The following HS6ST1 variants were observed in gnomAD, a reference collection of about 807,000 sequenced individuals.
The protein encoded by HS6ST1 is heparan sulfate 6-O-sulfotransferase 1, also known as heparan-sulfate 6-O-sulfotransferase 1.
HS6ST1 carries 3 observed loss-of-function variants against 25.2 expected under a neutral mutation model. The observed-to-expected ratio is 0.12, with a 90% CI of 0.05 to 0.31. HS6ST1 has a LOEUF of 0.31. Among genes scored for constraint, HS6ST1 ranks in the 10% least tolerant of loss-of-function variants. The pLI, the probability that HS6ST1 is intolerant of heterozygous loss-of-function variation, is 1.00. For synonymous variants in HS6ST1, 204 were observed against 275.1 expected (o/e 0.74, Z 2.56); for missense variants, 310 against 609.6 (o/e 0.51, Z 5.18).
At chr2:128,298,480 C>T (rs138947624) in intron 1 of HS6ST1, among the ~76,000 whole-genome samples, 5 of 152,288 alleles carry the variant, frequency 3.3e-5, no homozygotes, top group Non-Finnish European at 7.4e-5. Context: ...TGGAGTATTA[C>T]TCAGCCCTAA....
At chr2:128,286,088 T>G (rs1156973485) in intron 1 of HS6ST1, among the ~76,000 whole-genome samples, 1 of 152,158 alleles carries the variant, frequency 6.6e-6, no homozygotes, top group Non-Finnish European at 1.5e-5. Flanking sequence ...GGCGATCTGG[T>G]GTGTGGCGTA....
intron 1 of HS6ST1, among the ~76,000 whole-genome samples, chr2:128,297,034 C>G (rs1219643826): frequency 2.0e-5 from 3 of 152,096 alleles, no homozygotes; most frequent in Non-Finnish European, 4.4e-5. Context: ...TGCACCTTAG[C>G]CTGGATGACA....
At chr2:128,294,741 G>A (rs970158086) in intron 1 of HS6ST1, among the ~76,000 whole-genome samples, 1 of 149,812 alleles carries the variant, frequency 6.7e-6, no homozygotes, top group African/African-American at 2.5e-5. Context: ...AGAGGTCTTC[G>A]GACCACCCTC....
intron 1 of HS6ST1, among the ~76,000 whole-genome samples, chr2:128,271,000 A>AG (rs1693601538): frequency 6.6e-6 from 1 of 152,046 alleles, no homozygotes; most frequent in Admixed American, 6.5e-5. Flanking sequence ...CTTCAGCCCC[A>AG]GCCCCACACC....
rs112654671 is a variant in HS6ST1 at position 128,313,036 on chromosome 2, C to T, written c.527+5001G>A. ...TGAGATCGTGCCATCATTGTCCAGA[C>T]TGCACCGGACAGAGTGAGACTCCAT... is the stretch of plus-strand genomic sequence containing the variant. On this transcript the variant is annotated intron_variant, in intron 1 of 1. Coordinates refer to ENST00000259241, the MANE Select transcript of HS6ST1 (RefSeq NM_004807.3). Among the ~76,000 whole-genome samples, 922 of 152,222 alleles carry T rather than the reference C, an allele frequency of 6.1e-3. 11 individuals are homozygous for T. Among genetic ancestry groups the T allele is most frequent in the African/African-American group, 0.021 (891 of 41,514 alleles).
At chr2:128,307,151 T>A (rs1225608771) in intron 1 of HS6ST1, among the ~76,000 whole-genome samples, 1 of 152,128 alleles carries the variant, frequency 6.6e-6, no homozygotes, top group Admixed American at 6.5e-5. Flanking sequence ...AAAATCGCTG[T>A]GAGGGGCCCT....
rs1242089575 is a variant in HS6ST1 at position 128,265,751 on chromosome 2, C to T, written c.*2411G>A. The T allele has an allele frequency of 6.6e-6, 1 of 152,172 alleles. No individual in the cohort carries two copies. The highest frequency in any genetic ancestry group is 1.5e-5 in the Non-Finnish European group (1 of 68,048). The allele number at this position is 152,172 out of a possible 1,614,324, so 9.4% of individuals were successfully genotyped here. A position where few individuals can be genotyped will look rare whatever the true frequency, so the allele number is the denominator to read the frequency against. On this transcript the variant is annotated 3_prime_UTR_variant, in exon 2 of 2. Coordinates refer to ENST00000259241, the MANE Select transcript of HS6ST1 (RefSeq NM_004807.3). ...CCTGGCTTCCCCTTCCAGGAGGGGACGTTTGCAGGTCTGGGGGTCCTGGTG... is the reference window on the plus strand; with the variant it reads ...CCTGGCTTCCCCTTCCAGGAGGGGATGTTTGCAGGTCTGGGGGTCCTGGTG...
intron 1 of HS6ST1, among the ~76,000 whole-genome samples, chr2:128,297,629 T>C (rs545000864): frequency 3.9e-5 from 6 of 152,178 alleles, no homozygotes; most frequent in African/African-American, 1.4e-4. Context: ...AGGTCAGGAG[T>C]TCGAGACCAG....
intron 1 of HS6ST1, among the ~76,000 whole-genome samples, chr2:128,283,665 C>T (rs1265992256): frequency 6.6e-6 from 1 of 152,296 alleles, no homozygotes; most frequent in East Asian, 1.9e-4. Flanking sequence ...TCGGCCTCCC[C>T]CTCGCTCCTC....
intron 1 of HS6ST1, among the ~76,000 whole-genome samples, chr2:128,308,673 TCCCAAGGC>T (rs1431576046): frequency 6.6e-6 from 1 of 152,048 alleles, no homozygotes. Context: ...CACTGGGTGG[TCCCAAGGC>T]CATAGCCCAA....
At chr2:128,281,215 A>G (rs994616394) in intron 1 of HS6ST1, among the ~76,000 whole-genome samples, 1 of 152,198 alleles carries the variant, frequency 6.6e-6, no homozygotes, top group African/African-American at 2.4e-5. Flanking sequence ...TGCTGGCCTC[A>G]TGACGCTGCT....
chr2:128,315,083 C>G (rs1162824830), intron 1 of HS6ST1, among the ~76,000 whole-genome samples: 1 of 152,186 alleles, frequency 6.6e-6, no homozygotes, highest in African/African-American at 2.4e-5. Context: ...CTCTTTAAGG[C>G]CAGCCAGCAA....
chr2:128,316,578 T>G (rs1230631029), intron 1 of HS6ST1, among the ~76,000 whole-genome samples: 1 of 152,102 alleles, frequency 6.6e-6, no homozygotes, highest in African/African-American at 2.4e-5. Context: ...GCAGACTAAG[T>G]GCTGGGCCGG....
Position 128,318,364 on chromosome 2 carries a change from T to C in HS6ST1, c.200A>G (p.Lys67Arg), listed in dbSNP as rs996486162. 6 of 1,612,026 alleles carry C rather than the reference T, an allele frequency of 3.7e-6. No homozygotes were observed. In the Admixed American group the frequency reaches 5.0e-5, roughly 13 times the overall value. Reference protein sequence around the residue: ...FPTPDPHYEKKYYFPVRELER... With the variant: ...FPTPDPHYEKRYYFPVRELER... ...CAGCTCGCGGACCGGGAAGTAGTAC[T>C]TCTTCTCGTAGTGGGGGTCGGGTGT... Residue 67 changes from lysine (K) to arginine (R), a missense_variant, in exon 1 of 2, where the codon AAG (lysine) becomes AGG (arginine). Physicochemically the swap from Lys to Arg is conservative, Grantham distance 26. Around this residue, in one of 5 missense-constraint regions of HS6ST1, gnomAD observed 63 missense variants for 105.4 expected, o/e 0.60. Transcript: ENST00000259241. This position sits in a 1 kb window ranked among gnomAD's most constrained non-coding sequence, Gnocchi z 5.7.
At chr2:128,316,806 C>T (rs1465481111) in intron 1 of HS6ST1, among the ~76,000 whole-genome samples, 1 of 152,082 alleles carries the variant, frequency 6.6e-6, no homozygotes, top group African/African-American at 2.4e-5. Context: ...TGAGAAAGAC[C>T]ACAGAGCAAG....
chr2:128,313,758 C>T (rs1238769242), intron 1 of HS6ST1, among the ~76,000 whole-genome samples: 1 of 152,038 alleles, frequency 6.6e-6, no homozygotes, highest in Non-Finnish European at 1.5e-5. Context: ...TGGGACTGGG[C>T]TCTCTGATCC....
chr2:128,272,444 G>A lies in HS6ST1; in HGVS notation c.528-3574C>T, dbSNP rs368488292. 4.6e-4 allele frequency among the ~76,000 whole-genome samples: 70 copies of A among 152,350 alleles called. 1 individual carries two copies. The highest frequency in any genetic ancestry group is 1.4e-3 in the African/African-American group (59 of 41,574). ...GCACATGTAGTATGCACAGTGGGCC[G>A]GCTCTAGTAGCCCCAGATGGCACGC... On this transcript the variant is annotated intron_variant, in intron 1 of 1. Coordinates refer to ENST00000259241, the MANE Select transcript of HS6ST1 (RefSeq NM_004807.3).
At chr2:128,303,924 A>G (rs1216197897) in intron 1 of HS6ST1, among the ~76,000 whole-genome samples, 1 of 152,242 alleles carries the variant, frequency 6.6e-6, no homozygotes, top group African/African-American at 2.4e-5. Flanking sequence ...AGATCTTCCA[A>G]TCTACCGCAC....
At chr2:128,270,658 T>C (rs1296721029) in intron 1 of HS6ST1, among the ~76,000 whole-genome samples, 1 of 152,208 alleles carries the variant, frequency 6.6e-6, no homozygotes. Context: ...ATCCATATCC[T>C]TCCTAGCTGA....
Sources: gnomAD v4.1 joint callset for allele counts (sites outside exome capture counted in the v4.1 genomes callset) on GRCh38, gnomAD v4.1.1 for gene constraint, gnomAD v4.1.1 regional missense constraint, Gnocchi (gnomAD v3.1) non-coding constraint, MANE v1.5 for transcripts, NCBI Gene and HGNC (gene_info 2026-07-23, HGNC 2026-07-21) for gene names.